OPTN: variants seen among roughly 807,000 people sequenced by gnomAD.
The protein encoded by OPTN is E3-14.7K-interacting protein.
A neutral mutation model predicts 70.4 loss-of-function variants in OPTN; 54 were observed. The observed-to-expected ratio is 0.77, with a 90% CI of 0.62 to 0.96. OPTN has a LOEUF of 0.96. Among genes scored for constraint, OPTN ranks in the 40% least tolerant of loss-of-function variants. OPTN has a pLI of 0.00. For missense variants in OPTN, 624 were observed against 673.2 expected (o/e 0.93, Z 0.81); for synonymous variants, 256 against 248.5 (o/e 1.03, Z -0.28).
chr10:13,125,634 T>C, intron 10 of OPTN, 67 bp downstream of exon 10: 1 of 1,581,026 alleles, frequency 6.3e-7, no homozygotes. Context: ...TTATACAGAT[T>C]GGAATTCGGA....
intron 4 of OPTN, 65 bp downstream of exon 4, chr10:13,110,541 T>TA: frequency 6.8e-7 from 1 of 1,476,576 alleles, no homozygotes; most frequent in Non-Finnish European, 9.4e-7. Flanking sequence ...AGTGGAATCT[T>TA]ACGTGTCTAG....
intron 1 of OPTN, among the ~76,000 whole-genome samples, chr10:13,105,924 T>G (rs1257107576): frequency 6.6e-6 from 1 of 150,436 alleles, no homozygotes; most frequent in Non-Finnish European, 1.5e-5. Flanking sequence ...AAAAAAAAAG[T>G]TCATTGAGGA....
intron 10 of OPTN, 40 bp from the exon 11 acceptor site, chr10:13,125,905 AT>A (rs769801188): frequency 1.2e-5 from 17 of 1,425,310 alleles, no homozygotes; most frequent in Non-Finnish European, 1.7e-5. Context: ...TTTCTATGAT[AT>A]TTTCCCCAGG....
Position 13,110,272 on chromosome 10 carries a change from A to G in OPTN, c.167-2A>G, listed in dbSNP as rs913462685. 2 of 1,613,778 alleles carry G rather than the reference A, an allele frequency of 1.2e-6. No individual in the cohort carries two copies. The highest frequency in any genetic ancestry group is 2.7e-5 in the African/African-American group (2 of 75,044). ...GACTCCATCACTCTGAACCTCCTGC[A>G]GAAGCCATGAAGCTAAATAATCAAG... On this transcript the variant is annotated splice_acceptor_variant, in intron 3 of 14. Transcript: ENST00000378747. LOFTEE classifies it high-confidence loss of function.
intron 5 of OPTN, among the ~76,000 whole-genome samples, chr10:13,113,196 T>A (rs995325229): frequency 3.3e-5 from 5 of 152,156 alleles, no homozygotes; most frequent in Non-Finnish European, 7.4e-5. Flanking sequence ...TAACTTTTTG[T>A]ATTTTTAATA....
chr10:13,113,283 C>A (rs1245358567), intron 5 of OPTN, among the ~76,000 whole-genome samples: 1 of 152,312 alleles, frequency 6.6e-6, no homozygotes, highest in South Asian at 2.1e-4. Flanking sequence ...GCCTCGGCCT[C>A]CCAAAGTGCT....
rs754036757 is a variant in OPTN, at chr10:13,110,383, A to C, written c.276A>C (p.Glu92Asp). The change falls in exon 4 of 15, where the codon GAA becomes GAC. Residue 92 changes from glutamate (E) to aspartate (D), a missense_variant. Physicochemically the swap from Glu to Asp is conservative, Grantham distance 45. Coordinates refer to ENST00000378747, the MANE Select transcript of OPTN (RefSeq NM_001008212.2). Reference protein sequence around the residue: ...ERQFFEIQSKEAKERLMALSH... With the variant: ...ERQFFEIQSKDAKERLMALSH... ...AGTTTTTTGAGATACAGAGCAAAGA[A>C]GCAAAAGAGCGTCTAATGGCCTTGA... The C allele has an allele frequency of 3.1e-6, 5 of 1,614,208 alleles. No individual in the cohort carries two copies. The highest frequency in any genetic ancestry group is 4.2e-6 in the Non-Finnish European group (5 of 1,180,034).
chr10:13,119,420 C>T (rs954208626), intron 7 of OPTN, among the ~76,000 whole-genome samples: 1 of 152,140 alleles, frequency 6.6e-6, no homozygotes, highest in African/African-American at 2.4e-5. Flanking sequence ...CTTCCATTGT[C>T]TATATATACA....
intron 12 of OPTN, among the ~76,000 whole-genome samples, 168 bp from the exon 13 acceptor site, chr10:13,131,899 G>A (rs774293173): frequency 6.6e-6 from 1 of 152,164 alleles, no homozygotes; most frequent in Non-Finnish European, 1.5e-5. Flanking sequence ...TCTGCTATCG[G>A]AATGTACCTG....
At position 13,109,192 on chromosome 10, in the gene OPTN, C is replaced by T. The variant is rs764166537; in HGVS notation, c.70C>T (p.Pro24Ser). ...CCCCAGTGAAAGCACAGGAAATGGA[C>T]CCCCCCACCTGGCCCACCCAAACCT... ...DSPSESTGNG[P>S]PHLAHPNLDT... Residue 24 changes from proline to serine, a missense_variant, in exon 3 of 15, where the codon CCC becomes TCC. Transcript: ENST00000378747. 2 of 1,613,474 alleles carry T rather than the reference C, an allele frequency of 1.2e-6. No homozygotes were observed. The highest frequency in any genetic ancestry group is 1.7e-6 in the Non-Finnish European group (2 of 1,179,558).
At chr10:13,124,204 G>A in intron 9 of OPTN, 94 bp downstream of exon 9, 1 of 720,278 alleles carries the variant, frequency 1.4e-6, no homozygotes, top group Non-Finnish European at 2.4e-6. Flanking sequence ...ACTATGTTAT[G>A]ACTAAAAGAA....
Position 13,112,503 on chromosome 10 carries a change from G to C in OPTN, c.420G>C (p.Lys140Asn). ...CCAGGGCCGAAGCGGAGCAGGAAAA[G>C]GACCAGCTCAGGACCCAGGTGGTGA... is the stretch of plus-strand genomic sequence containing the variant. ...RLPRAEAEQE[K>N]DQLRTQVVRL... Residue 140 changes from lysine to asparagine, a missense_variant, in exon 5 of 15, where the codon AAG (lysine) becomes AAC (asparagine). Physicochemically the swap from Lys to Asn is moderately conservative, Grantham distance 94 (BLOSUM62 0). Transcript: ENST00000378747. The C allele has an allele frequency of 6.2e-7, 1 of 1,614,100 alleles. No homozygotes were observed. The highest frequency in any genetic ancestry group is 8.5e-7 in the Non-Finnish European group (1 of 1,180,024).
chr10:13,110,334 C>G lies in OPTN; in HGVS notation c.227C>G (p.Thr76Arg), dbSNP rs781755765. ...KGRFEELSAWTEKQKEERQFF... is the reference protein window; with the variant it reads ...KGRFEELSAWREKQKEERQFF... ...AGATTTGAGGAGCTTTCGGCCTGGA[C>G]AGAGAAACAGAAGGAAGAACGCCAG... Residue 76 changes from threonine to arginine, a missense_variant, in exon 4 of 15, where the codon ACA (threonine) becomes AGA (arginine). Coordinates refer to ENST00000378747, the MANE Select transcript of OPTN (RefSeq NM_001008212.2). 4 of 1,613,928 alleles carry G rather than the reference C, an allele frequency of 2.5e-6. No homozygotes were observed. In the Admixed American group the frequency reaches 6.7e-5, roughly 27 times the overall value.
At chr10:13,130,217 G>C (rs776982265) in intron 12 of OPTN, among the ~76,000 whole-genome samples, 3 of 151,864 alleles carry the variant, frequency 2.0e-5, no homozygotes, top group Non-Finnish European at 2.9e-5. Flanking sequence ...ACAAGGTCAG[G>C]AGTTCGAGAC....
chr10:13,112,070 C>G (rs1023282561), intron 4 of OPTN, among the ~76,000 whole-genome samples: 4 of 150,974 alleles, frequency 2.6e-5, no homozygotes, highest in African/African-American at 7.3e-5. Context: ...GGATGGTCTC[C>G]ATCTCCTGAC....
chr10:13,100,153 T>C (rs71492279), upstream of OPTN: 55,958 of 153,162 alleles, frequency 0.37, 10,301 homozygotes, highest in Middle Eastern at 0.42. Flanking sequence ...GCATCAGCCC[T>C]AGGCACCCCA....
intron 1 of OPTN, among the ~76,000 whole-genome samples, chr10:13,102,732 C>G (rs917174486): frequency 2.6e-5 from 4 of 152,112 alleles, no homozygotes; most frequent in Non-Finnish European, 4.4e-5. Flanking sequence ...CACTTGAGAT[C>G]AGGAGTTCAA....
intron 13 of OPTN, among the ~76,000 whole-genome samples, chr10:13,132,914 T>A: frequency 6.7e-6 from 1 of 149,526 alleles, no homozygotes; most frequent in East Asian, 2.0e-4. Flanking sequence ...GCTTCAAGTA[T>A]TTTTTTTTTA....
intron 12 of OPTN, among the ~76,000 whole-genome samples, chr10:13,129,046 G>C (rs1443417873): frequency 6.6e-6 from 1 of 152,070 alleles, no homozygotes; most frequent in East Asian, 1.9e-4. Context: ...CCCAAGGCCA[G>C]GAAGATATTC....
Sources: allele counts gnomAD v4.1 joint callset (sites outside exome capture counted in the v4.1 genomes callset), GRCh38; gene constraint gnomAD v4.1.1; transcripts MANE v1.5; gene names NCBI Gene and HGNC (gene_info 2026-07-23, HGNC 2026-07-21).